Variants in PALLD observed in about 807,000 individuals in gnomAD.
PALLD encodes the protein palladin, cytoskeletal associated protein, also known as palladin.
A neutral mutation model predicts 123.5 loss-of-function variants in PALLD; 61 were observed. That is an observed-to-expected ratio of 0.49 (90% CI 0.40 to 0.61). The LOEUF is 0.61. PALLD is among the 20% of genes least tolerant of loss of function. The pLI, the probability that PALLD is intolerant of heterozygous loss-of-function variation, is 0.00. For synonymous variants in PALLD, 465 were observed against 496.4 expected (o/e 0.94, Z 0.84); for missense variants, 1,273 against 1,377.0 (o/e 0.92, Z 1.20).
At chr4:168,716,061 A>G (rs1334739666) in intron 10 of PALLD, among the ~76,000 whole-genome samples, 1 of 152,192 alleles carries the variant, frequency 6.6e-6, no homozygotes, top group East Asian at 1.9e-4. Flanking sequence ...AGCATATAGA[A>G]AGGCATGGTC....
chr4:168,923,844 G>C (rs1001443304), intron 18 of PALLD, among the ~76,000 whole-genome samples: 4 of 152,160 alleles, frequency 2.6e-5, no homozygotes, highest in African/African-American at 9.7e-5. Context: ...GGGAATCTAA[G>C]TGGTCAAATT....
chr4:168,547,830 C>T (rs1341837659), intron 2 of PALLD, among the ~76,000 whole-genome samples: 5 of 151,768 alleles, frequency 3.3e-5, no homozygotes, highest in Non-Finnish European at 7.4e-5. Context: ...CCTGTAGTCC[C>T]AGCTACCCAG....
At chr4:168,709,942 A>C (rs971649251) in intron 9 of PALLD, among the ~76,000 whole-genome samples, 3 of 152,150 alleles carry the variant, frequency 2.0e-5, no homozygotes, top group Non-Finnish European at 2.9e-5. Context: ...CCACCTCTGC[A>C]TCAGAGGTGC....
At chr4:168,717,101 C>A (rs1245831789) in intron 10 of PALLD, among the ~76,000 whole-genome samples, 4 of 152,058 alleles carry the variant, frequency 2.6e-5, no homozygotes, top group Admixed American at 2.0e-4. Context: ...CAGTTACTTG[C>A]TTTTTGTTTT....
chr4:168,863,053 G>A (rs1193213329), intron 10 of PALLD, among the ~76,000 whole-genome samples: 1 of 152,172 alleles, frequency 6.6e-6, no homozygotes, highest in African/African-American at 2.4e-5. Flanking sequence ...GCTAAATAAT[G>A]ACTATCGCTT....
At chr4:168,891,891 T>C in intron 11 of PALLD, among the ~76,000 whole-genome samples, 1 of 152,120 alleles carries the variant, frequency 6.6e-6, no homozygotes. Flanking sequence ...GTTCTGTTCT[T>C]TTCTCCCAGA....
intron 2 of PALLD, among the ~76,000 whole-genome samples, chr4:168,667,261 T>G (rs1024518979): frequency 1.3e-5 from 2 of 152,240 alleles, no homozygotes; most frequent in Non-Finnish European, 2.9e-5. Context: ...AAACTGGACT[T>G]AGAGAAAATC....
At chr4:168,560,698 TCAAC>T (rs1246722593) in intron 2 of PALLD, among the ~76,000 whole-genome samples, 2 of 152,188 alleles carry the variant, frequency 1.3e-5, no homozygotes, top group African/African-American at 4.8e-5. Flanking sequence ...AGACATGTAT[TCAAC>T]CAACATTTGA....
chr4:168,603,753 G>C (rs1580530799), intron 2 of PALLD, among the ~76,000 whole-genome samples: 1 of 152,178 alleles, frequency 6.6e-6, no homozygotes, highest in South Asian at 2.1e-4. Context: ...ATTTGAACTC[G>C]TGTATTCTTT....
intron 20 of PALLD, 64 bp downstream of exon 20, chr4:168,925,142 G>A: frequency 3.8e-6 from 6 of 1,596,008 alleles, no homozygotes; most frequent in Non-Finnish European, 5.2e-6. Context: ...TTAGACATCT[G>A]GACAGCAAAT....
chr4:168,674,353 T>A (rs564241493), intron 3 of PALLD, among the ~76,000 whole-genome samples: 4 of 152,064 alleles, frequency 2.6e-5, no homozygotes, highest in Non-Finnish European at 5.9e-5. Context: ...AGATGGTAAC[T>A]AAAGCTGTGG....
chr4:168,797,872 C>T (rs1174508308), intron 10 of PALLD, among the ~76,000 whole-genome samples: 3 of 151,486 alleles, frequency 2.0e-5, no homozygotes, highest in Non-Finnish European at 4.4e-5. Context: ...CGTTACAAAG[C>T]ATATTTCCCC....
chr4:168,885,842 AC>A (rs1470787985), intron 10 of PALLD, among the ~76,000 whole-genome samples: 1 of 152,210 alleles, frequency 6.6e-6, no homozygotes, highest in East Asian at 1.9e-4. Context: ...AAGCATTTGT[AC>A]CTGCTATCTA....
At chr4:168,505,058 G>C (rs1239601285) in intron 1 of PALLD, 1 of 152,180 alleles carries the variant, frequency 6.6e-6, no homozygotes, top group Non-Finnish European at 1.5e-5. Context: ...TCATTTTGGA[G>C]TGCTGACTGA....
intron 2 of PALLD, among the ~76,000 whole-genome samples, chr4:168,604,746 C>T (rs1170131713): frequency 6.6e-6 from 1 of 152,188 alleles, no homozygotes; most frequent in Admixed American, 6.5e-5. Flanking sequence ...CTAACAATGC[C>T]ACTGGTGGTG....
intron 2 of PALLD, among the ~76,000 whole-genome samples, chr4:168,659,006 C>G (rs925847854): frequency 1.3e-5 from 2 of 152,156 alleles, no homozygotes; most frequent in African/African-American, 4.8e-5. Context: ...GCCTATAAGT[C>G]CACATGACAG....
intron 13 of PALLD, 84 bp downstream of exon 13, chr4:168,896,683 T>C: frequency 1.3e-6 from 1 of 756,060 alleles, no homozygotes; most frequent in Non-Finnish European, 2.2e-6. Flanking sequence ...TGTGTTTCTA[T>C]CTTTTCTGCC....
At chr4:168,645,638 T>G (rs1777373615) in intron 2 of PALLD, among the ~76,000 whole-genome samples, 1 of 152,230 alleles carries the variant, frequency 6.6e-6, no homozygotes, top group African/African-American at 2.4e-5. Context: ...CTGAATTCAT[T>G]ATATACTACA....
At chr4:168,758,188 C>T (rs1732161932) in intron 10 of PALLD, among the ~76,000 whole-genome samples, 1 of 152,008 alleles carries the variant, frequency 6.6e-6, no homozygotes. Context: ...ATCCTGATGG[C>T]TCCTTCCTGC....
Sources: gnomAD v4.1 joint callset for allele counts (sites outside exome capture counted in the v4.1 genomes callset) on GRCh38, gnomAD v4.1.1 for gene constraint, MANE v1.5 for transcripts, NCBI Gene and HGNC (gene_info 2026-07-23, HGNC 2026-07-21) for gene names.